Variants in ROBO2 observed in about 807,000 individuals in gnomAD.
ROBO2 encodes the protein roundabout guidance receptor 2, also known as roundabout homolog 2.
In ROBO2, 53 loss-of-function variants were observed where a neutral mutation model predicts 160.8. The ratio of observed to expected loss-of-function variants is 0.33; its 90% CI spans 0.26 to 0.41. The LOEUF (loss-of-function observed/expected upper bound fraction) is 0.41, where lower values mean the gene tolerates loss of function less well. ROBO2 is among the 10% of genes least tolerant of loss of function. ROBO2 has a pLI of 1.00. For synonymous variants in ROBO2, 664 were observed against 611.7 expected, an observed-to-expected ratio of 1.09 and a Z score of -1.26; for missense variants, 1,577 against 1,722.4, an observed-to-expected ratio of 0.92 and a Z score of 1.49.
intron 2 of ROBO2, among the ~76,000 whole-genome samples, chr3:76,251,114 A>G (rs1232617823): frequency 6.6e-6 from 1 of 152,158 alleles, no homozygotes; most frequent in African/African-American, 2.4e-5. Context: ...CTACCCCTGC[A>G]GCCTTTTGAT....
intron 2 of ROBO2, among the ~76,000 whole-genome samples, chr3:76,592,186 C>T (rs1289978717): frequency 6.6e-6 from 1 of 151,934 alleles, no homozygotes; most frequent in Non-Finnish European, 1.5e-5. Flanking sequence ...TAAATTAAAA[C>T]GTGCTTTGCA....
intron 2 of ROBO2, among the ~76,000 whole-genome samples, chr3:76,749,535 T>C (rs13314038): frequency 0.025 from 3,858 of 152,070 alleles, 159 homozygotes; most frequent in African/African-American, 0.087. Context: ...CTTATTTGAG[T>C]AGAATTTATC....
chr3:76,772,934 G>A (rs1282595160), intron 2 of ROBO2, among the ~76,000 whole-genome samples: 5 of 151,118 alleles, frequency 3.3e-5, no homozygotes, highest in African/African-American at 4.8e-5. Flanking sequence ...ATCATAGTGC[G>A]TTAAAATTTT....
At chr3:76,414,293 T>C (rs553357497) in intron 2 of ROBO2, among the ~76,000 whole-genome samples, 1 of 152,226 alleles carries the variant, frequency 6.6e-6, no homozygotes, top group South Asian at 2.1e-4. Flanking sequence ...ATTCCTAGCT[T>C]TCAAAGTATT....
intron 2 of ROBO2, among the ~76,000 whole-genome samples, chr3:77,339,702 A>T (rs191155367): frequency 2.0e-5 from 3 of 152,056 alleles, no homozygotes; most frequent in East Asian, 1.9e-4. Context: ...TAAAACATAC[A>T]TCTACAGGGA....
At chr3:76,857,535 TG>T (rs1387102716) in intron 2 of ROBO2, among the ~76,000 whole-genome samples, 1 of 152,154 alleles carries the variant, frequency 6.6e-6, no homozygotes, top group Non-Finnish European at 1.5e-5. Context: ...TTTTTCGAAG[TG>T]GGCACATATT....
At chr3:76,771,414 C>A (rs186698064) in intron 2 of ROBO2, among the ~76,000 whole-genome samples, 5 of 151,314 alleles carry the variant, frequency 3.3e-5, no homozygotes, top group African/African-American at 1.2e-4. Flanking sequence ...TGAACAGCAC[C>A]ACTATAAGGG....
chr3:76,907,427 G>T (rs1347927169), intron 2 of ROBO2, among the ~76,000 whole-genome samples: 1 of 152,118 alleles, frequency 6.6e-6, no homozygotes, highest in African/African-American at 2.4e-5. Context: ...CTGGATTTTA[G>T]ATTATTACAG....
intron 2 of ROBO2, among the ~76,000 whole-genome samples, chr3:76,323,176 C>CACACACACACACA (rs1559763162): frequency 7.0e-6 from 1 of 143,762 alleles, no homozygotes; most frequent in African/African-American, 2.7e-5. Context: ...CACACACACA[C>CACACACACACACA]CCCTAAAGGC....
rs1244021443 is a variant in ROBO2 at position 76,905,653 on chromosome 3, C to G, written c.110-192361C>G. Among the ~76,000 whole-genome samples the G allele has an allele frequency of 4.6e-5, 7 of 152,206 alleles. No individual in the cohort carries two copies. In the South Asian group the frequency reaches 1.5e-3, roughly 32 times the overall value. On this transcript the variant is annotated intron_variant, in intron 2 of 26. Coordinates refer to the ROBO2 transcript ENST00000487694. ...AAACAATATCCCTTATCCTTTCCAC[C>G]AGGATACTGCCATTGCTGAAAATTA... is the stretch of plus-strand genomic sequence containing the variant.
intron 2 of ROBO2, among the ~76,000 whole-genome samples, chr3:76,656,537 A>C (rs1350224029): frequency 2.6e-5 from 4 of 152,118 alleles, no homozygotes; most frequent in African/African-American, 9.7e-5. Flanking sequence ...CAAAATTGAC[A>C]AGTAGAAGCA....
intron 2 of ROBO2, among the ~76,000 whole-genome samples, chr3:76,272,168 A>T (rs1004697510): frequency 6.6e-6 from 1 of 152,078 alleles, no homozygotes; most frequent in Non-Finnish European, 1.5e-5. Flanking sequence ...TTTCAAATTA[A>T]ATGTTTTGTG....
intron 2 of ROBO2, among the ~76,000 whole-genome samples, chr3:76,621,007 C>G (rs1017443193): frequency 3.3e-5 from 5 of 152,150 alleles, no homozygotes; most frequent in Admixed American, 3.3e-4. Flanking sequence ...GCACGGCTGA[C>G]TCTGTTGCGA....
At chr3:77,068,810 C>G (rs958622147) in intron 1 of ROBO2, among the ~76,000 whole-genome samples, 2 of 152,058 alleles carry the variant, frequency 1.3e-5, no homozygotes, top group Non-Finnish European at 2.9e-5. Flanking sequence ...TTAAATAGAA[C>G]ATATTATCTA....
chr3:77,523,877 A>G (rs1039059989), intron 6 of ROBO2, among the ~76,000 whole-genome samples: 60 of 151,312 alleles, frequency 4.0e-4, no homozygotes, highest in Admixed American at 1.2e-3. Context: ...ATTTAGTCAT[A>G]CCTCTGACCC....
intron 2 of ROBO2, among the ~76,000 whole-genome samples, chr3:77,455,629 A>C (rs1023426734): frequency 6.6e-6 from 1 of 151,788 alleles, no homozygotes; most frequent in African/African-American, 2.4e-5. Context: ...ATGGGGTTTC[A>C]CCATGTTGGC....
chr3:77,162,809 G>A (rs1467352137), intron 2 of ROBO2, among the ~76,000 whole-genome samples: 3 of 152,046 alleles, frequency 2.0e-5, no homozygotes, highest in Non-Finnish European at 2.9e-5. Context: ...TTAGCATTTA[G>A]CAATGTTACT....
At chr3:77,083,800 A>G (rs1335744166) in intron 1 of ROBO2, among the ~76,000 whole-genome samples, 1 of 152,122 alleles carries the variant, frequency 6.6e-6, no homozygotes, top group African/African-American at 2.4e-5. Context: ...ATGATGAAAT[A>G]TGGGACGAGG....
chr3:76,389,554 A>G (rs2077049910), intron 2 of ROBO2, among the ~76,000 whole-genome samples: 1 of 152,136 alleles, frequency 6.6e-6, no homozygotes, highest in Non-Finnish European at 1.5e-5. Context: ...CTGCATGTGC[A>G]CTCTTCAGCC....
Sources: allele counts gnomAD v4.1 joint callset (sites outside exome capture counted in the v4.1 genomes callset), GRCh38; gene constraint gnomAD v4.1.1; transcripts MANE v1.5; gene names NCBI Gene and HGNC (gene_info 2026-07-23, HGNC 2026-07-21).